The following THSD7B variants were observed in gnomAD, a reference collection of about 807,000 sequenced individuals.
THSD7B encodes the protein thrombospondin type 1 domain containing 7B, also known as thrombospondin type-1 domain-containing protein 7B.
In THSD7B, 138 loss-of-function variants were observed where a neutral mutation model predicts 213.6. The observed-to-expected ratio is 0.65, with a 90% confidence interval of 0.56 to 0.74. The LOEUF (loss-of-function observed/expected upper bound fraction) is 0.74, where lower values mean the gene tolerates loss of function less well. Among genes scored for constraint, THSD7B ranks in the 30% least tolerant of loss-of-function variants. The probability of loss-of-function intolerance (pLI) is 0.00; values close to 1 mark genes in which losing one functional copy is unlikely to be tolerated. For synonymous variants in THSD7B, 742 were observed against 687.0 expected (o/e 1.08, Z -1.25); for missense variants, 1,931 against 1,991.5 (o/e 0.97, Z 0.58).
chr2:136,956,712 C>G (rs1357590370), intron 2 of THSD7B, among the ~76,000 whole-genome samples: 1 of 149,274 alleles, frequency 6.7e-6, no homozygotes, highest in Admixed American at 6.7e-5. Context: ...CAGAGTCTTG[C>G]TCTGTCCCCC....
intron 7 of THSD7B, among the ~76,000 whole-genome samples, chr2:137,207,112 G>A (rs1387144453): frequency 1.3e-5 from 2 of 151,962 alleles, no homozygotes; most frequent in African/African-American, 4.8e-5. Context: ...AAGAGAAGCT[G>A]CAAGATGTAA....
chr2:137,123,014 C>G (rs1005580209), intron 5 of THSD7B, among the ~76,000 whole-genome samples: 1 of 152,168 alleles, frequency 6.6e-6, no homozygotes, highest in African/African-American at 2.4e-5. Context: ...CTTCCCAGCA[C>G]TGGGCACAGT....
chr2:137,278,399 T>C (rs1682921237), intron 12 of THSD7B, among the ~76,000 whole-genome samples: 1 of 152,104 alleles, frequency 6.6e-6, no homozygotes, highest in Admixed American at 6.6e-5. Context: ...ATCTTCTAAA[T>C]GTGGAATGAG....
intron 2 of THSD7B, among the ~76,000 whole-genome samples, chr2:137,012,899 T>A (rs917668553): frequency 2.2e-4 from 33 of 152,232 alleles, no homozygotes; most frequent in Non-Finnish European, 1.5e-5. Context: ...TCTGGACAAC[T>A]GGACAGAAAC....
intron 2 of THSD7B, among the ~76,000 whole-genome samples, chr2:136,933,641 T>A (rs1251984087): frequency 2.0e-5 from 3 of 152,114 alleles, no homozygotes; most frequent in Non-Finnish European, 4.4e-5. Flanking sequence ...TGGCTTTTTT[T>A]TATTATTGAT....
intron 10 of THSD7B, among the ~76,000 whole-genome samples, chr2:137,264,242 A>G (rs866974706): frequency 1.3e-5 from 2 of 150,356 alleles, no homozygotes; most frequent in Non-Finnish European, 3.0e-5. Flanking sequence ...TGACTTAGAA[A>G]CAGCCTTTTT....
intron 5 of THSD7B, among the ~76,000 whole-genome samples, chr2:137,131,073 A>G (rs1688721269): frequency 7.4e-6 from 1 of 134,592 alleles, no homozygotes; most frequent in Non-Finnish European, 1.6e-5. Flanking sequence ...TCGCCATTCT[A>G]ACTGATGTGA....
intron 2 of THSD7B, among the ~76,000 whole-genome samples, chr2:137,005,833 T>A (rs1279695440): frequency 6.6e-6 from 1 of 152,200 alleles, no homozygotes. Flanking sequence ...AATAAGTCAT[T>A]GGCTCAAATT....
intron 21 of THSD7B, among the ~76,000 whole-genome samples, chr2:137,655,282 G>T (rs1573768903): frequency 6.6e-6 from 1 of 152,088 alleles, no homozygotes; most frequent in Non-Finnish European, 1.5e-5. Flanking sequence ...TAAGTACATA[G>T]GTTCCATGGC....
chr2:136,871,450 G>A (rs972744714), intron 1 of THSD7B, among the ~76,000 whole-genome samples: 1 of 152,014 alleles, frequency 6.6e-6, no homozygotes, highest in Non-Finnish European at 1.5e-5. Context: ...TAAATAGCCT[G>A]AGAGAAATAA....
chr2:137,325,187 T>G (rs1684343818), intron 12 of THSD7B, among the ~76,000 whole-genome samples: 1 of 152,244 alleles, frequency 6.6e-6, no homozygotes, highest in South Asian at 2.1e-4. Flanking sequence ...TTGTTTTTAA[T>G]TTTTTAAGCT....
In THSD7B at chr2:137,394,541, A is replaced by G. The variant is rs1008651029; in HGVS notation, c.2501-11072A>G. Among the ~76,000 whole-genome samples, 6 of 135,776 alleles carry G rather than the reference A, an allele frequency of 4.4e-5. 1 individual carries two copies. The highest frequency in any genetic ancestry group is 9.8e-5 in the Non-Finnish European group (6 of 61,204). 89.1% of individuals were successfully genotyped at this position (135,776 alleles called of 152,430 possible). On this transcript the variant is annotated intron_variant, in intron 12 of 27. Coordinates refer to ENST00000409968, the MANE Select transcript of THSD7B (RefSeq NM_001316349.2). ...TCTATATCTCTGTTTTGGTACCAGT[A>G]CCATGCTGTTTTGGTTACTGTAGCC...
intron 15 of THSD7B, among the ~76,000 whole-genome samples, chr2:137,558,176 C>A (rs944843716): frequency 5.3e-5 from 8 of 152,092 alleles, no homozygotes; most frequent in Admixed American, 1.3e-4. Context: ...CTATTCCAAT[C>A]AATAGAAAAA....
intron 15 of THSD7B, among the ~76,000 whole-genome samples, chr2:137,557,833 A>G (rs1420870297): frequency 2.6e-5 from 4 of 152,228 alleles, no homozygotes; most frequent in African/African-American, 9.6e-5. Flanking sequence ...CTAATAAAGA[A>G]GAAAACAGAG....
intron 10 of THSD7B, among the ~76,000 whole-genome samples, chr2:137,252,605 TATA>T (rs1285203005): frequency 1.3e-5 from 2 of 152,194 alleles, no homozygotes; most frequent in Non-Finnish European, 2.9e-5. Context: ...CCCTGGTTTG[TATA>T]ATACTTTTGT....
chr2:136,790,133 G>A (rs1681941320), intron 1 of THSD7B, among the ~76,000 whole-genome samples: 1 of 151,578 alleles, frequency 6.6e-6, no homozygotes, highest in South Asian at 2.1e-4. Context: ...GTGTGTGTGT[G>A]TGTGTGTGTT....
intron 20 of THSD7B, among the ~76,000 whole-genome samples, chr2:137,626,634 A>G (rs1408141700): frequency 6.6e-6 from 1 of 152,178 alleles, no homozygotes; most frequent in African/African-American, 2.4e-5. Context: ...ATTCTCTACC[A>G]AATGGCCATG....
intron 7 of THSD7B, among the ~76,000 whole-genome samples, chr2:137,225,145 A>G (rs537300202): frequency 3.3e-5 from 5 of 152,218 alleles, no homozygotes; most frequent in African/African-American, 1.2e-4. Flanking sequence ...TTAGCTCATC[A>G]TACATTGTAC....
chr2:137,584,858 G>T (rs1218746149), intron 17 of THSD7B, among the ~76,000 whole-genome samples: 1 of 152,214 alleles, frequency 6.6e-6, no homozygotes, highest in Non-Finnish European at 1.5e-5. Context: ...CATAAAATGA[G>T]TTAGCGAGGA....
Sources: allele counts gnomAD v4.1 joint callset (sites outside exome capture counted in the v4.1 genomes callset), GRCh38; gene constraint gnomAD v4.1.1; transcripts MANE v1.5; gene names NCBI Gene and HGNC (gene_info 2026-07-23, HGNC 2026-07-21).